Variants in SMC1B observed in about 807,000 individuals in gnomAD.
SMC1B encodes the protein structural maintenance of chromosomes protein 1B.
A neutral mutation model predicts 157.9 loss-of-function variants in SMC1B; 60 were observed. That is an observed-to-expected ratio of 0.38 (90% CI 0.31 to 0.47). The LOEUF (loss-of-function observed/expected upper bound fraction) is 0.47, where lower values mean the gene tolerates loss of function less well. Ranked by LOEUF, SMC1B falls within the 20% of genes least tolerant of loss-of-function variation. SMC1B has a pLI of 0.99. For missense variants in SMC1B, 1,165 were observed against 1,426.2 expected (o/e 0.82, Z 2.95); for synonymous variants, 445 against 483.0 (o/e 0.92, Z 1.03).
chr22:45,387,320 C>A lies in SMC1B; in HGVS notation c.1732-274G>T, dbSNP rs543251216. Reference sequence around the variant, plus strand: ...GAAAAATTAGCCAGGCATGGTGGCACATGCCTGTAATCCCAGCTACTCAGG... The same window carrying A: ...GAAAAATTAGCCAGGCATGGTGGCAAATGCCTGTAATCCCAGCTACTCAGG... On this transcript the variant is annotated intron_variant, in intron 10 of 24. Transcript: ENST00000357450. 4.3e-4 allele frequency among the ~76,000 whole-genome samples: 66 copies of A among 152,192 alleles called. No homozygotes were observed. In the South Asian group the frequency reaches 9.5e-3, roughly 22 times the overall value.
At chr22:45,409,382 G>T (rs546380829) in intron 1 of SMC1B, among the ~76,000 whole-genome samples, 2 of 151,926 alleles carry the variant, frequency 1.3e-5, no homozygotes, top group Non-Finnish European at 2.9e-5. Flanking sequence ...TGGCCAACAC[G>T]GTGAAGCCCC....
intron 12 of SMC1B, among the ~76,000 whole-genome samples, chr22:45,382,904 C>T (rs909845155): frequency 3.3e-5 from 5 of 152,118 alleles, no homozygotes; most frequent in Non-Finnish European, 5.9e-5. Context: ...GAGGCCAAGG[C>T]AGGCGGATCA....
chr22:45,393,498 C>G (rs918200404), intron 9 of SMC1B, 136 bp downstream of exon 9: 3 of 680,482 alleles, frequency 4.4e-6, no homozygotes, highest in Non-Finnish European at 7.2e-6. Context: ...GAGTCAAACA[C>G]AAAACTTAAA....
At chr22:45,353,897 A>G (rs1247380903) in intron 21 of SMC1B, 81 bp downstream of exon 21, 2 of 482,232 alleles carry the variant, frequency 4.1e-6, no homozygotes, top group Non-Finnish European at 3.3e-6. Context: ...TCCCACCAAA[A>G]AAAAAAAAAA....
intron 15 of SMC1B, among the ~76,000 whole-genome samples, chr22:45,364,749 T>C (rs2086756477): frequency 6.6e-6 from 1 of 152,020 alleles, no homozygotes; most frequent in Non-Finnish European, 1.5e-5. Flanking sequence ...GGCTTTCCTT[T>C]CCCCCAACTA....
intron 9 of SMC1B, among the ~76,000 whole-genome samples, chr22:45,392,942 C>T (rs561335072): frequency 2.0e-5 from 3 of 152,292 alleles, no homozygotes; most frequent in African/African-American, 7.2e-5. Context: ...CTCAGGTGAT[C>T]CACCAGCCTC....
In SMC1B at chr22:45,389,622, C is replaced by G. The variant is rs1047312692; in HGVS notation, c.1731+90G>C. 6.9e-5 allele frequency: 81 copies of G among 1,170,922 alleles called. No homozygotes were observed. The Middle Eastern group carries it at 1.7e-3, about 24-fold the overall frequency. The allele number at this position is 1,170,922 out of a possible 1,614,324, so 72.5% of individuals were successfully genotyped here. A position where few individuals can be genotyped will look rare whatever the true frequency, so the allele number is the denominator to read the frequency against. Reference sequence around the variant, plus strand: ...CTGGCATCCAAGCTACAATTTTTCTCTATCACTATCATAGTTTTAGGCAAT... The same window carrying G: ...CTGGCATCCAAGCTACAATTTTTCTGTATCACTATCATAGTTTTAGGCAAT... On this transcript the variant is annotated intron_variant, in intron 10 of 24. Coordinates refer to ENST00000357450, the MANE Select transcript of SMC1B (RefSeq NM_148674.5).
chr22:45,396,523 T>G (rs756826195), intron 6 of SMC1B, 37 bp from the exon 7 acceptor site: 5 of 1,576,872 alleles, frequency 3.2e-6, no homozygotes, highest in Non-Finnish European at 3.4e-6. Context: ...TAATTCACCT[T>G]AAGAAGCATG....
intron 19 of SMC1B, among the ~76,000 whole-genome samples, chr22:45,358,194 T>C (rs1398111426): frequency 1.3e-5 from 2 of 152,202 alleles, no homozygotes; most frequent in African/African-American, 4.8e-5. Context: ...TTTCATCCAT[T>C]TGGCTGTTCC....
Position 45,389,787 on chromosome 22 carries a change from T to C in SMC1B, c.1656A>G (p.Val552=). The change falls in exon 10 of 25, where the codon GTA becomes GTG. Residue 552 remains valine (V), a synonymous_variant. Coordinates refer to ENST00000357450, the MANE Select transcript of SMC1B (RefSeq NM_148674.5). ...ITAIVVASEK[V]AKDCIRFLKE... is the part of the protein sequence containing the mutation. ...TCAGAAATCGAATACAATCTTTTGC[T>C]ACCTTTTCAGAGGCTACAACAATGG... The C allele has an allele frequency of 1.2e-6, 2 of 1,614,140 alleles. No individual in the cohort carries two copies. The highest frequency in any genetic ancestry group is 1.6e-4 in the Middle Eastern group (1 of 6,062).
At chr22:45,357,077 G>A (rs1161566913) in intron 19 of SMC1B, among the ~76,000 whole-genome samples, 1 of 152,176 alleles carries the variant, frequency 6.6e-6, no homozygotes, top group Admixed American at 6.6e-5. Context: ...AGGAACAAAA[G>A]GAAAGGCAGT....
chr22:45,345,906 A>C (rs2086546633), intron 23 of SMC1B, among the ~76,000 whole-genome samples: 1 of 152,194 alleles, frequency 6.6e-6, no homozygotes, highest in Non-Finnish European at 1.5e-5. Context: ...GCTGGTATTT[A>C]AACGTATAAC....
intron 11 of SMC1B, among the ~76,000 whole-genome samples, chr22:45,386,461 A>G (rs1416768193): frequency 6.6e-6 from 1 of 152,116 alleles, no homozygotes; most frequent in Non-Finnish European, 1.5e-5. Context: ...AAGGACAGTT[A>G]GTATCTCCAC....
chr22:45,409,614 A>AAAC (rs374077282), intron 1 of SMC1B, among the ~76,000 whole-genome samples: 1 of 138,370 alleles, frequency 7.2e-6, no homozygotes, highest in Non-Finnish European at 1.6e-5. Context: ...ATAAATAAAA[A>AAAC]CAAGAGAAGC....
rs2086592237 is a variant in SMC1B, at chr22:45,349,719, G to T, written c.3495+9C>A. The T allele has an allele frequency of 6.2e-7, 1 of 1,607,516 alleles. No individual in the cohort carries two copies. The highest frequency in any genetic ancestry group is 1.3e-5 in the African/African-American group (1 of 74,672). ...GACAGTCTATTGAAAATGAAAAGCA[G>T]AAACTTACTTTGCCTATGTTAGTAT... is the stretch of plus-strand genomic sequence containing the variant. On this transcript the variant is annotated intron_variant, in intron 23 of 24. Coordinates refer to ENST00000357450, the MANE Select transcript of SMC1B (RefSeq NM_148674.5).
chr22:45,348,264 G>A lies in SMC1B; in HGVS notation c.3495+1464C>T, dbSNP rs1031539217. 2.0e-5 allele frequency among the ~76,000 whole-genome samples: 3 copies of A among 152,132 alleles called. No individual in the cohort carries two copies. The East Asian group carries it at 5.8e-4, about 29-fold the overall frequency. ...ATTGGATACATTTTGATAGAACTGGGAAGTAGGGCTGGTGTGGTGGCTGAC... is the reference window on the plus strand; with the variant it reads ...ATTGGATACATTTTGATAGAACTGGAAAGTAGGGCTGGTGTGGTGGCTGAC... On this transcript the variant is annotated intron_variant, in intron 23 of 24. Coordinates refer to ENST00000357450, the MANE Select transcript of SMC1B (RefSeq NM_148674.5).
At chr22:45,398,134 C>G (rs2087147441) in intron 6 of SMC1B, among the ~76,000 whole-genome samples, 1 of 152,154 alleles carries the variant, frequency 6.6e-6, no homozygotes, top group African/African-American at 2.4e-5. Context: ...AGGCTGCAGA[C>G]AGGACTAAAG....
chr22:45,399,438 TA>T, intron 5 of SMC1B, 85 bp from the exon 6 acceptor site: 3 of 1,289,178 alleles, frequency 2.3e-6, no homozygotes, highest in Non-Finnish European at 3.2e-6. Context: ...CAAACCACTT[TA>T]AAAAAGAAAT....
At position 45,406,761 on chromosome 22, in the gene SMC1B, C is replaced by T. The variant is rs1421414551; in HGVS notation, c.403G>A (p.Val135Ile). The change falls in exon 3 of 25, where the codon GTT (valine) becomes ATT (isoleucine). Residue 135 changes from valine (V) to isoleucine (I), a missense_variant. Physicochemically the swap from Val to Ile is conservative, Grantham distance 29 (BLOSUM62 3). Transcript: ENST00000357450. ...CTACTATAGCTACTTACCTGAAAAA[C>T]CAAACAATTTTGTGCTTTGACTATT... ...GIIVKAQNCLVFQGTVESISV... is the reference protein window; with the variant it reads ...GIIVKAQNCLIFQGTVESISV... The T allele has an allele frequency of 6.3e-7, 1 of 1,591,018 alleles. No homozygotes were observed. The highest frequency in any genetic ancestry group is 1.4e-5 in the African/African-American group (1 of 73,254).
Sources: gnomAD v4.1 joint callset for allele counts (sites outside exome capture counted in the v4.1 genomes callset) on GRCh38, gnomAD v4.1.1 for gene constraint, MANE v1.5 for transcripts, NCBI Gene and HGNC (gene_info 2026-07-23, HGNC 2026-07-21) for gene names.